Variants in TENM2 observed in about 807,000 individuals in gnomAD.
TENM2 encodes the protein teneurin-2.
In TENM2, 52 loss-of-function variants were observed where a neutral mutation model predicts 245.2. The ratio of observed to expected loss-of-function variants is 0.21; its 90% confidence interval spans 0.17 to 0.27. TENM2 has a LOEUF of 0.27. TENM2 is among the 10% of genes least tolerant of loss of function. The probability of loss-of-function intolerance (pLI) is 1.00; values close to 1 mark genes in which losing one functional copy is unlikely to be tolerated. For synonymous variants in TENM2, 1,363 were observed against 1,438.9 expected (o/e 0.95, Z 1.19); for missense variants, 3,046 against 3,666.8 (o/e 0.83, Z 4.37).
At chr5:167,918,098 GA>G (rs994197402) in intron 3 of TENM2, among the ~76,000 whole-genome samples, 7 of 152,126 alleles carry the variant, frequency 4.6e-5, no homozygotes, top group African/African-American at 1.7e-4. Context: ...ACAACAGTGA[GA>G]AAAAAACACT....
intron 2 of TENM2, among the ~76,000 whole-genome samples, chr5:167,562,092 G>T (rs917211495): frequency 6.6e-5 from 10 of 152,184 alleles, no homozygotes; most frequent in Admixed American, 3.9e-4. Context: ...CTGAAAGCAG[G>T]AGGTATGGCA....
At chr5:167,917,710 A>G (rs1777055331) in intron 3 of TENM2, among the ~76,000 whole-genome samples, 1 of 152,160 alleles carries the variant, frequency 6.6e-6, no homozygotes, top group South Asian at 2.1e-4. Flanking sequence ...CTACAAGTTC[A>G]TAGTTGAGTT....
At chr5:167,575,588 G>C (rs916660783) in intron 2 of TENM2, among the ~76,000 whole-genome samples, 1 of 152,132 alleles carries the variant, frequency 6.6e-6, no homozygotes, top group Non-Finnish European at 1.5e-5. Context: ...GCTGAGTAGT[G>C]GGGAGTAGAG....
At chr5:167,847,990 T>C (rs929454946) in intron 2 of TENM2, among the ~76,000 whole-genome samples, 2 of 152,244 alleles carry the variant, frequency 1.3e-5, no homozygotes, top group African/African-American at 4.8e-5. Flanking sequence ...TTTGGATCTT[T>C]ATTATTTTCC....
At chr5:168,093,648 G>A (rs1285331834) in intron 8 of TENM2, among the ~76,000 whole-genome samples, 4 of 152,134 alleles carry the variant, frequency 2.6e-5, no homozygotes, top group African/African-American at 9.7e-5. Context: ...GTTTCTTCTC[G>A]AGACAACAGA....
chr5:168,090,846 TCTTCTAAGGTA>T, intron 8 of TENM2, 77 bp downstream of exon 10: 4 of 1,315,804 alleles, frequency 3.0e-6, no homozygotes, highest in Non-Finnish European at 4.3e-6. Flanking sequence ...AGAAGACACA[TCTTCTAAGGTA>T]GTTTCTACTA....
chr5:167,836,598 A>G (rs1769016065), intron 2 of TENM2, among the ~76,000 whole-genome samples: 1 of 152,250 alleles, frequency 6.6e-6, no homozygotes, highest in South Asian at 2.1e-4. Flanking sequence ...CATGTTCACC[A>G]GGACTTTCAT....
At chr5:168,104,297 G>T (rs1186501123) in intron 9 of TENM2, among the ~76,000 whole-genome samples, 1 of 152,138 alleles carries the variant, frequency 6.6e-6, no homozygotes, top group African/African-American at 2.4e-5. Flanking sequence ...CCAAAGTGCT[G>T]GGATTACAGG....
At chr5:167,348,952 TACAA>T (rs1410937981) in intron 1 of TENM2, among the ~76,000 whole-genome samples, 1 of 152,222 alleles carries the variant, frequency 6.6e-6, no homozygotes, top group Non-Finnish European at 1.5e-5. Context: ...TTTTTACAGG[TACAA>T]TTTTCACCTA....
At chr5:167,568,743 G>T (rs1165316951) in intron 2 of TENM2, among the ~76,000 whole-genome samples, 9 of 150,860 alleles carry the variant, frequency 6.0e-5, no homozygotes, top group African/African-American at 2.2e-4. Flanking sequence ...CAACAATATT[G>T]TTCATCACCA....
intron 2 of TENM2, among the ~76,000 whole-genome samples, chr5:167,487,536 A>G (rs1318159612): frequency 6.6e-6 from 1 of 152,108 alleles, no homozygotes; most frequent in Non-Finnish European, 1.5e-5. Flanking sequence ...GTATATGTGT[A>G]TTTGTTAGTG....
At chr5:167,711,525 T>TTCAG (rs140471934) in intron 2 of TENM2, among the ~76,000 whole-genome samples, 3,377 of 152,282 alleles carry the variant, frequency 0.022, 132 homozygotes, top group African/African-American at 0.073. Flanking sequence ...TTACAGTGAC[T>TTCAG]TCAGTCTCTT....
chr5:167,519,103 A>C (rs1319602382), intron 2 of TENM2, among the ~76,000 whole-genome samples: 2 of 152,178 alleles, frequency 1.3e-5, no homozygotes, highest in South Asian at 4.1e-4. Context: ...TTTACTACAG[A>C]CCATAGTAAT....
intron 6 of TENM2, among the ~76,000 whole-genome samples, chr5:168,057,856 G>A (rs1041744112): frequency 8.6e-5 from 13 of 152,012 alleles, no homozygotes; most frequent in Non-Finnish European, 1.3e-4. Context: ...GAGGGGAGTC[G>A]GTGGGAGAGT....
intron 21 of TENM2, 37 bp downstream of exon 23, chr5:168,215,309 A>G (rs762062311): frequency 6.4e-7 from 1 of 1,570,502 alleles, no homozygotes; most frequent in South Asian, 1.1e-5. Context: ...CGCCCCAGAT[A>G]AAGCTTTGCC....
At chr5:168,004,506 T>TGCGCGCGC (rs760281726) in intron 5 of TENM2, among the ~76,000 whole-genome samples, 22 of 97,762 alleles carry the variant, frequency 2.3e-4, no homozygotes, top group African/African-American at 8.2e-4. Flanking sequence ...GATGCACGCA[T>TGCGCGCGC]GCGCGCGCGC....
the TENM2 span, among the ~76,000 whole-genome samples, chr5:167,011,131 C>T: frequency 6.6e-6 from 1 of 152,154 alleles, no homozygotes; most frequent in Admixed American, 6.5e-5. Context: ...ATGTTTAATT[C>T]TTTTTGGTCC....
At chr5:167,952,482 A>G in intron 3 of TENM2, 106 bp from the exon 6 acceptor site, 3 of 937,206 alleles carry the variant, frequency 3.2e-6, no homozygotes, top group Non-Finnish European at 1.6e-6. Flanking sequence ...GCTTTCAGCA[A>G]TTGTCAGCTT....
At chr5:167,645,865 A>G (rs1338107232) in intron 2 of TENM2, among the ~76,000 whole-genome samples, 1 of 151,998 alleles carries the variant, frequency 6.6e-6, no homozygotes, top group African/African-American at 2.4e-5. Context: ...TAATGCATAT[A>G]TTACAACATA....
Sources: allele counts gnomAD v4.1 joint callset (sites outside exome capture counted in the v4.1 genomes callset), GRCh38; gene constraint gnomAD v4.1.1; transcripts MANE v1.5; gene names NCBI Gene and HGNC (gene_info 2026-07-23, HGNC 2026-07-21).